The following SPRED1 variants were observed in gnomAD, a reference collection of about 807,000 sequenced individuals.
SPRED1 encodes the protein sprouty-related, EVH1 domain-containing protein 1.
Under a neutral mutation model 52.3 loss-of-function variants are expected in SPRED1, and 18 were observed. The ratio of observed to expected loss-of-function variants is 0.34; its 90% confidence interval spans 0.24 to 0.51. The LOEUF (loss-of-function observed/expected upper bound fraction) is 0.51. SPRED1 is among the 20% of genes least tolerant of loss of function. SPRED1 has a pLI of 0.97. For missense variants in SPRED1, 485 were observed against 551.0 expected, an observed-to-expected ratio of 0.88 and a Z score of 1.20; for synonymous variants, 155 against 179.7, an observed-to-expected ratio of 0.86 and a Z score of 1.10.
chr15:38,316,519 G>A (rs1895483000), intron 2 of SPRED1, among the ~76,000 whole-genome samples: 1 of 151,904 alleles, frequency 6.6e-6, no homozygotes, highest in South Asian at 2.1e-4. Context: ...GTGTTGGAAT[G>A]CAAAGTTGTG....
intron 4 of SPRED1, among the ~76,000 whole-genome samples, chr15:38,328,832 G>A (rs779449304): frequency 3.3e-5 from 5 of 151,914 alleles, no homozygotes; most frequent in African/African-American, 4.8e-5. Flanking sequence ...TGGTCCTCCC[G>A]CATCAGCCTC....
At chr15:38,258,782 A>G (rs1432128939) in intron 1 of SPRED1, among the ~76,000 whole-genome samples, 1 of 152,202 alleles carries the variant, frequency 6.6e-6, no homozygotes, top group Non-Finnish European at 1.5e-5. Context: ...CTATATTATA[A>G]ATAGAATTTA....
Position 38,354,823 on chromosome 15 carries a change from C to T in SPRED1, c.*3159C>T, listed in dbSNP as rs1372353106. The T allele has an allele frequency of 6.6e-6, 1 of 152,174 alleles. No homozygotes were observed. Among genetic ancestry groups the T allele is most frequent in the Non-Finnish European group, 1.5e-5 (1 of 68,034 alleles). The allele number at this position is 152,174 out of a possible 1,614,324, so 9.4% of individuals were successfully genotyped here. A position where few individuals can be genotyped will look rare whatever the true frequency, so the allele number is the denominator to read the frequency against. ...AACCAGTTGCTTTAACTCTCAAAAG[C>T]CATTACCAAAATGGTATTTTTTTCC... On this transcript the variant is annotated 3_prime_UTR_variant, in exon 7 of 7. Coordinates refer to ENST00000299084, the MANE Select transcript of SPRED1 (RefSeq NM_152594.3).
At chr15:38,315,203 TG>T (rs1265637078) in intron 2 of SPRED1, among the ~76,000 whole-genome samples, 1 of 151,918 alleles carries the variant, frequency 6.6e-6, no homozygotes, top group East Asian at 1.9e-4. Context: ...ATTTTAAAAA[TG>T]AAATTATTTT....
At chr15:38,350,131 A>G (rs10083649) in intron 6 of SPRED1, among the ~76,000 whole-genome samples, 30,640 of 152,156 alleles carry the variant, frequency 0.2, 3,262 homozygotes, top group Middle Eastern at 0.24. Context: ...ACAACAAAAT[A>G]TTACAGACTG....
At chr15:38,301,053 G>A (rs1029757344) in intron 2 of SPRED1, among the ~76,000 whole-genome samples, 3 of 152,190 alleles carry the variant, frequency 2.0e-5, no homozygotes, top group Admixed American at 6.5e-5. Flanking sequence ...ATGCTTGCTC[G>A]AAAAATTATA....
intron 3 of SPRED1, among the ~76,000 whole-genome samples, chr15:38,322,991 C>T (rs1895635775): frequency 6.6e-6 from 1 of 152,042 alleles, no homozygotes; most frequent in Admixed American, 6.6e-5. Flanking sequence ...GTAAGACTGG[C>T]TTATGCTTAC....
chr15:38,270,689 G>A (rs1894413421), intron 1 of SPRED1, among the ~76,000 whole-genome samples: 1 of 152,118 alleles, frequency 6.6e-6, no homozygotes, highest in African/African-American at 2.4e-5. Context: ...AACACATGGG[G>A]ATTACATACT....
intron 3 of SPRED1, among the ~76,000 whole-genome samples, chr15:38,323,964 C>T (rs927278277): frequency 7.9e-5 from 12 of 152,112 alleles, no homozygotes; most frequent in Non-Finnish European, 1.0e-4. Context: ...GAGTAGACTA[C>T]AGTACTTAGT....
At chr15:38,304,753 A>C (rs919503413) in intron 2 of SPRED1, among the ~76,000 whole-genome samples, 63 of 152,184 alleles carry the variant, frequency 4.1e-4, no homozygotes, top group African/African-American at 1.5e-3. Flanking sequence ...CATTTGAGGA[A>C]TTTTATAATT....
At chr15:38,314,375 A>G (rs953884747) in intron 2 of SPRED1, among the ~76,000 whole-genome samples, 4 of 151,816 alleles carry the variant, frequency 2.6e-5, no homozygotes, top group Non-Finnish European at 5.9e-5. Flanking sequence ...TACTAAGTGA[A>G]CTTTATTCAT....
chr15:38,289,814 C>T (rs181564766), intron 1 of SPRED1, among the ~76,000 whole-genome samples: 1 of 152,268 alleles, frequency 6.6e-6, no homozygotes, highest in Admixed American at 6.5e-5. Context: ...GCAGCACTGC[C>T]AGTACCTTGA....
chr15:38,339,128 T>A (rs941470960), intron 4 of SPRED1, among the ~76,000 whole-genome samples: 2 of 150,506 alleles, frequency 1.3e-5, no homozygotes, highest in African/African-American at 4.9e-5. Context: ...TACTTAATAT[T>A]TATTTTATAT....
intron 1 of SPRED1, among the ~76,000 whole-genome samples, chr15:38,291,698 A>G (rs553965667): frequency 3.3e-5 from 5 of 152,322 alleles, no homozygotes; most frequent in Non-Finnish European, 4.4e-5. Flanking sequence ...CTTGAGCTCT[A>G]TGTTGGCCCC....
chr15:38,336,380 A>ATGTG (rs35912838), intron 4 of SPRED1, among the ~76,000 whole-genome samples: 7,345 of 134,166 alleles, frequency 0.055, 539 homozygotes, highest in African/African-American at 0.17. Context: ...GATAAAGAAA[A>ATGTG]TGTGTGTGTG....
In SPRED1 at chr15:38,356,587, T is replaced by C. The variant is rs1014857047; in HGVS notation, c.*4923T>C. ...TAAAAGTATACTTTTAAACTGAAAGTTCACATATAGTTCATCTTAATAACA... is the reference window on the plus strand; with the variant it reads ...TAAAAGTATACTTTTAAACTGAAAGCTCACATATAGTTCATCTTAATAACA... On this transcript the variant is annotated 3_prime_UTR_variant, in exon 7 of 7. Coordinates refer to ENST00000299084, the MANE Select transcript of SPRED1 (RefSeq NM_152594.3). The C allele has an allele frequency of 6.6e-6, 1 of 152,056 alleles. No homozygotes were observed. Among genetic ancestry groups the C allele is most frequent in the Non-Finnish European group, 1.5e-5 (1 of 67,938 alleles). 9.4% of individuals were successfully genotyped at this position (152,056 alleles called of 1,614,324 possible). A position where few individuals can be genotyped will look rare whatever the true frequency, so the allele number is the denominator to read the frequency against.
chr15:38,267,326 C>T (rs1490817958), intron 1 of SPRED1, among the ~76,000 whole-genome samples: 4 of 152,118 alleles, frequency 2.6e-5, no homozygotes, highest in Non-Finnish European at 5.9e-5. Context: ...CAGCTCTTTG[C>T]TATTACAAAT....
chr15:38,260,426 A>T (rs1417054133), intron 1 of SPRED1, among the ~76,000 whole-genome samples: 1 of 152,186 alleles, frequency 6.6e-6, no homozygotes, highest in Non-Finnish European at 1.5e-5. Context: ...ATCTTAACTA[A>T]TAAGGTCATG....
chr15:38,346,410 T>C (rs1896137372), intron 5 of SPRED1, among the ~76,000 whole-genome samples: 2 of 152,186 alleles, frequency 1.3e-5, no homozygotes, highest in African/African-American at 2.4e-5. Context: ...TTCTCTTACT[T>C]TCACGGGTTC....
Sources: gnomAD v4.1 joint callset for allele counts (sites outside exome capture counted in the v4.1 genomes callset) on GRCh38, gnomAD v4.1.1 for gene constraint, MANE v1.5 for transcripts, NCBI Gene and HGNC (gene_info 2026-07-23, HGNC 2026-07-21) for gene names.